Variants in DNER observed in about 807,000 individuals in gnomAD.
The protein encoded by DNER is delta and Notch-like epidermal growth factor-related receptor.
A neutral mutation model predicts 78.2 loss-of-function variants in DNER; 33 were observed. The ratio of observed to expected loss-of-function variants is 0.42; its 90% CI spans 0.32 to 0.56. The LOEUF (loss-of-function observed/expected upper bound fraction) is 0.56. Ranked by LOEUF, DNER falls within the 20% of genes least tolerant of loss-of-function variation. DNER has a pLI of 0.11. For synonymous variants in DNER, 417 were observed against 384.8 expected, an observed-to-expected ratio of 1.08 and a Z score of -0.98; for missense variants, 918 against 975.3, an observed-to-expected ratio of 0.94 and a Z score of 0.78.
chr2:229,380,439 A>G (rs952161281), intron 11 of DNER, among the ~76,000 whole-genome samples: 1 of 152,208 alleles, frequency 6.6e-6, no homozygotes, highest in African/African-American at 2.4e-5. Flanking sequence ...GTGAGTGAGC[A>G]GGTGACAGAG....
chr2:229,365,387 C>T (rs751368579), intron 12 of DNER, among the ~76,000 whole-genome samples: 29 of 152,204 alleles, frequency 1.9e-4, no homozygotes, highest in Non-Finnish European at 3.2e-4. Context: ...ATGAAAAGGA[C>T]AGAAAAGAGA....
chr2:229,476,054 G>T (rs1179849265), intron 7 of DNER, among the ~76,000 whole-genome samples: 1 of 152,166 alleles, frequency 6.6e-6, no homozygotes, highest in Admixed American at 6.5e-5. Context: ...AATTGCAAAA[G>T]AAGGAGAGGG....
At chr2:229,664,371 G>A (rs745728399) in intron 1 of DNER, among the ~76,000 whole-genome samples, 1 of 152,114 alleles carries the variant, frequency 6.6e-6, no homozygotes, top group Non-Finnish European at 1.5e-5. Flanking sequence ...AGCTGGGCAC[G>A]GTGGCTCACA....
chr2:229,623,257 T>C (rs1698281710), intron 1 of DNER, among the ~76,000 whole-genome samples: 2 of 152,112 alleles, frequency 1.3e-5, no homozygotes, highest in Non-Finnish European at 1.5e-5. Context: ...GCTGTTTTTT[T>C]CTTTGACAAG....
chr2:229,426,688 G>C (rs1231496318), intron 8 of DNER, among the ~76,000 whole-genome samples: 1 of 152,030 alleles, frequency 6.6e-6, no homozygotes, highest in Non-Finnish European at 1.5e-5. Flanking sequence ...CTTGTTGCTG[G>C]CAGGTTCATA....
intron 1 of DNER, among the ~76,000 whole-genome samples, chr2:229,669,364 A>G (rs1168372258): frequency 2.8e-5 from 4 of 141,552 alleles, no homozygotes. Context: ...TTTTATGTAT[A>G]CATACATATA....
chr2:229,447,416 C>A lies in DNER; in HGVS notation c.1386G>T (p.Gly462=). The A allele has an allele frequency of 1.2e-6, 2 of 1,613,930 alleles. No individual in the cohort carries two copies. Among genetic ancestry groups the A allele is most frequent in the Non-Finnish European group, 8.5e-7 (1 of 1,179,956 alleles). The change falls in exon 8 of 13, where the codon GGG becomes GGT. Residue 462 remains glycine (G), a synonymous_variant. Transcript: ENST00000341772. ...FTCNCSPGFT[G]PTCAQLIDFC... is the part of the protein sequence containing the mutation. ...AGTCAATAAGCTGGGCACAGGTCGGCCCTGTGAAGCCCGGGCTGCAGTTGC... is the reference window on the plus strand; with the variant it reads ...AGTCAATAAGCTGGGCACAGGTCGGACCTGTGAAGCCCGGGCTGCAGTTGC...
chr2:229,703,373 T>C (rs899962765), intron 1 of DNER, among the ~76,000 whole-genome samples: 1 of 152,132 alleles, frequency 6.6e-6, no homozygotes, highest in Non-Finnish European at 1.5e-5. Flanking sequence ...TACCCATACA[T>C]TGCACCACAT....
Position 229,448,422 on chromosome 2 carries a change from GT to G in DNER, c.1262-883del, listed in dbSNP as rs559895092. 7.2e-3 allele frequency among the ~76,000 whole-genome samples: 1,092 copies of G among 152,302 alleles called. 14 individuals carry two copies. Among genetic ancestry groups the G allele is most frequent in the African/African-American group, 0.025 (1,039 of 41,558 alleles). On this transcript the variant is annotated intron_variant, in intron 7 of 12. Coordinates refer to ENST00000341772, the MANE Select transcript of DNER (RefSeq NM_139072.4). ...GGAGTCCACTGGGGTGGATGGAAAT[GT>G]TTTAAACTTGGATTGTGGTGATAGC...
rs569917818 is a variant in DNER, at chr2:229,703,163, C to T, written c.276+10985G>A. Among the ~76,000 whole-genome samples, 11 of 152,134 alleles carry T rather than the reference C, an allele frequency of 7.2e-5. No individual in the cohort carries two copies. The East Asian group carries it at 9.7e-4, about 13-fold the overall frequency. On this transcript the variant is annotated intron_variant, in intron 1 of 12. Transcript: ENST00000341772. ...CTGATTTTAGGACTTACTATAACTA[C>T]AGTAGTCTCAAGATAGTGTAGAATT... is the stretch of plus-strand genomic sequence containing the variant.
intron 7 of DNER, 39 bp downstream of exon 7, chr2:229,477,101 A>G (rs772252322): frequency 1.3e-6 from 2 of 1,524,742 alleles, no homozygotes; most frequent in African/African-American, 2.7e-5. Flanking sequence ...ATGATTTAAA[A>G]TGAAAAAAGT....
intron 8 of DNER, 120 bp downstream of exon 8, chr2:229,447,196 C>T (rs1559354147): frequency 6.2e-6 from 6 of 969,084 alleles, no homozygotes; most frequent in Non-Finnish European, 9.1e-6. Flanking sequence ...TACAAGCATA[C>T]CAGTAAGTAT....
At chr2:229,500,870 C>A (rs1478655082) in intron 6 of DNER, among the ~76,000 whole-genome samples, 1 of 152,064 alleles carries the variant, frequency 6.6e-6, no homozygotes, top group African/African-American at 2.4e-5. Context: ...TCCACCGAGT[C>A]CCCAAAGTCC....
rs140687398 is a variant in DNER, at chr2:229,513,333, C to T, written c.994-397G>A. Among the ~76,000 whole-genome samples the T allele has an allele frequency of 6.6e-5, 10 of 152,336 alleles. No individual in the cohort carries two copies. The East Asian group carries it at 1.9e-3, about 29-fold the overall frequency. Reference sequence around the variant, plus strand: ...ACTAAAACCTTCAACAGAGATAGCACTTGCAACAAAGATGTCATCAAATGT... The same window carrying T: ...ACTAAAACCTTCAACAGAGATAGCATTTGCAACAAAGATGTCATCAAATGT... On this transcript the variant is annotated intron_variant, in intron 5 of 12. Coordinates refer to ENST00000341772, the MANE Select transcript of DNER (RefSeq NM_139072.4).
chr2:229,491,082 C>T (rs1391983141), intron 6 of DNER, among the ~76,000 whole-genome samples: 36 of 152,216 alleles, frequency 2.4e-4, no homozygotes, highest in Admixed American at 2.4e-3. Flanking sequence ...AATGAGCTCC[C>T]TGTCCTTCCT....
chr2:229,703,061 C>A (rs1396801046), intron 1 of DNER, among the ~76,000 whole-genome samples: 1 of 151,894 alleles, frequency 6.6e-6, no homozygotes, highest in African/African-American at 2.4e-5. Context: ...AAAGCAAGTT[C>A]TAAAGGCTCT....
chr2:229,709,616 T>C (rs1418145511), intron 1 of DNER, among the ~76,000 whole-genome samples: 1 of 152,184 alleles, frequency 6.6e-6, no homozygotes, highest in Non-Finnish European at 1.5e-5. Context: ...GTTAGCATGG[T>C]TAATCAGAAG....
At chr2:229,381,501 G>A (rs181719110) in intron 11 of DNER, among the ~76,000 whole-genome samples, 13 of 152,152 alleles carry the variant, frequency 8.5e-5, no homozygotes, top group East Asian at 3.9e-4. Context: ...CCACCCCCAC[G>A]GAGCCCAGCA....
chr2:229,424,837 C>CTTGT (rs1693839600), intron 8 of DNER, among the ~76,000 whole-genome samples: 1 of 152,008 alleles, frequency 6.6e-6, no homozygotes. Flanking sequence ...GGGGAGCTTC[C>CTTGT]CTGTGCACTG....
Sources: gnomAD v4.1 joint callset for allele counts (sites outside exome capture counted in the v4.1 genomes callset) on GRCh38, gnomAD v4.1.1 for gene constraint, MANE v1.5 for transcripts, NCBI Gene and HGNC (gene_info 2026-07-23, HGNC 2026-07-21) for gene names.